NCOA2: variants seen among roughly 807,000 people sequenced by gnomAD.
The protein encoded by NCOA2 is class E basic helix-loop-helix protein 75.
In NCOA2, 21 loss-of-function variants were observed where a neutral mutation model predicts 145.1. The observed-to-expected ratio is 0.14, with a 90% CI of 0.10 to 0.21. The LOEUF (loss-of-function observed/expected upper bound fraction) is 0.21. Ranked by LOEUF, NCOA2 falls within the 10% of genes least tolerant of loss-of-function variation. The probability of loss-of-function intolerance (pLI) is 1.00; values close to 1 mark genes in which losing one functional copy is unlikely to be tolerated. For missense variants in NCOA2, 1,472 were observed against 1,837.6 expected, an observed-to-expected ratio of 0.80 and a Z score of 3.64; for synonymous variants, 619 against 637.5, an observed-to-expected ratio of 0.97 and a Z score of 0.44.
chr8:70,120,817 G>C (rs1041554861), intron 22 of NCOA2, among the ~76,000 whole-genome samples: 6 of 152,174 alleles, frequency 3.9e-5, no homozygotes, highest in Non-Finnish European at 4.4e-5. Flanking sequence ...TAATGTACTA[G>C]ATTGTTCCTA....
chr8:70,241,794 T>C (rs1019300648), intron 2 of NCOA2, among the ~76,000 whole-genome samples: 3 of 152,198 alleles, frequency 2.0e-5, no homozygotes, highest in African/African-American at 7.2e-5. Flanking sequence ...AATTAATATA[T>C]GTAAGGTCCA....
intron 2 of NCOA2, among the ~76,000 whole-genome samples, chr8:70,265,334 A>G (rs1423800270): frequency 2.0e-5 from 3 of 152,230 alleles, no homozygotes; most frequent in African/African-American, 7.2e-5. Flanking sequence ...TGCTGGCACC[A>G]TGATCTTAGA....
chr8:70,402,994 G>A (rs1469893143), intron 1 of NCOA2, among the ~76,000 whole-genome samples: 2 of 59,346 alleles, frequency 3.4e-5, no homozygotes, highest in South Asian at 1.0e-3. Flanking sequence ...CCCCACCCCC[G>A]GGGCTGACAC....
At chr8:70,166,509 A>C (rs1163562002) in intron 7 of NCOA2, 57 bp downstream of exon 7, 32 of 1,564,912 alleles carry the variant, frequency 2.0e-5, no homozygotes, top group South Asian at 3.4e-5. Flanking sequence ...AGTGTGAAGG[A>C]AGTAGCACAG....
At chr8:70,203,268 A>AAAAAAAG (rs1312569867) in intron 4 of NCOA2, among the ~76,000 whole-genome samples, 2 of 150,242 alleles carry the variant, frequency 1.3e-5, no homozygotes, top group African/African-American at 5.0e-5. Flanking sequence ...TCTCAAAAAA[A>AAAAAAAG]AAAAGAAAAA....
At chr8:70,166,520 G>T in intron 7 of NCOA2, 46 bp downstream of exon 7, 3 of 1,594,196 alleles carry the variant, frequency 1.9e-6, no homozygotes, top group Non-Finnish European at 2.6e-6. Context: ...AGTAGCACAG[G>T]AATAAATACA....
chr8:70,202,143 C>T (rs959975329), intron 4 of NCOA2, among the ~76,000 whole-genome samples: 5 of 152,320 alleles, frequency 3.3e-5, no homozygotes, highest in South Asian at 2.1e-4. Context: ...GATATCACCT[C>T]ACACCTATTA....
At chr8:70,239,584 C>T (rs1300762323) in intron 2 of NCOA2, among the ~76,000 whole-genome samples, 1 of 152,130 alleles carries the variant, frequency 6.6e-6, no homozygotes, top group Non-Finnish European at 1.5e-5. Flanking sequence ...ACCCTGACAA[C>T]ACCATGAGAC....
chr8:70,404,248 C>T (rs546518005), upstream of NCOA2, among the ~76,000 whole-genome samples: 11 of 152,320 alleles, frequency 7.2e-5, no homozygotes, highest in South Asian at 1.2e-3. Flanking sequence ...CAGAGGACTG[C>T]ATGGGAGGGC....
At chr8:70,253,854 T>A (rs770397250) in intron 2 of NCOA2, among the ~76,000 whole-genome samples, 1 of 152,130 alleles carries the variant, frequency 6.6e-6, no homozygotes, top group African/African-American at 2.4e-5. Context: ...ATTTCTTATA[T>A]ATGATACCAA....
At chr8:70,416,186 AGTTTTTTT>A in the NCOA2 span, among the ~76,000 whole-genome samples, 1 of 134,602 alleles carries the variant, frequency 7.4e-6, no homozygotes, top group Non-Finnish European at 1.6e-5. Flanking sequence ...GGGGGACCTC[AGTTTTTTT>A]GTTTTTTTTT....
At chr8:70,245,612 C>T (rs1183215545) in intron 2 of NCOA2, among the ~76,000 whole-genome samples, 1 of 151,986 alleles carries the variant, frequency 6.6e-6, no homozygotes, top group African/African-American at 2.4e-5. Flanking sequence ...GCAATGTACA[C>T]ATGCACTCAC....
At chr8:70,452,547 GA>G in the NCOA2 span, among the ~76,000 whole-genome samples, 1 of 152,154 alleles carries the variant, frequency 6.6e-6, no homozygotes, top group Admixed American at 6.5e-5. Flanking sequence ...GGGCCTGGGG[GA>G]AAAGAGAATG....
At chr8:70,378,126 A>T (rs964452679) in intron 1 of NCOA2, among the ~76,000 whole-genome samples, 3 of 152,148 alleles carry the variant, frequency 2.0e-5, no homozygotes, top group Admixed American at 1.3e-4. Flanking sequence ...GATACCGCTT[A>T]CACAGCATAT....
At chr8:70,169,890 AATC>A (rs56144437) in intron 6 of NCOA2, among the ~76,000 whole-genome samples, 3,295 of 150,164 alleles carry the variant, frequency 0.022, 106 homozygotes, top group East Asian at 0.086. Context: ...TGCCAAGCAA[AATC>A]ATCATCATCA....
At chr8:70,357,282 A>C (rs1809787934) in intron 1 of NCOA2, 1 of 151,956 alleles carries the variant, frequency 6.6e-6, no homozygotes, top group Admixed American at 6.5e-5. Flanking sequence ...CCAAAAGAAT[A>C]ATATACCTAG....
intron 22 of NCOA2, among the ~76,000 whole-genome samples, chr8:70,114,019 A>T (rs561463148): frequency 6.6e-6 from 1 of 152,310 alleles, no homozygotes; most frequent in South Asian, 2.1e-4. Flanking sequence ...TTTTGGCAGC[A>T]TCCGATCCAG....
intron 13 of NCOA2, among the ~76,000 whole-genome samples, chr8:70,143,627 C>T (rs1022867320): frequency 2.6e-5 from 4 of 152,102 alleles, no homozygotes; most frequent in Admixed American, 1.3e-4. Flanking sequence ...TCACAGTTGC[C>T]ATGAATTCCT....
At chr8:70,426,797 G>T in the NCOA2 span, among the ~76,000 whole-genome samples, 1 of 152,118 alleles carries the variant, frequency 6.6e-6, no homozygotes, top group Admixed American at 6.6e-5. Context: ...ACTCTGAATT[G>T]GTTTTTGGTT....
Sources: gnomAD v4.1 joint callset for allele counts (sites outside exome capture counted in the v4.1 genomes callset) on GRCh38, gnomAD v4.1.1 for gene constraint, MANE v1.5 for transcripts, NCBI Gene and HGNC (gene_info 2026-07-23, HGNC 2026-07-21) for gene names.